Variants in ERAP1 observed in about 807,000 individuals in gnomAD.
ERAP1 encodes adipocyte-derived leucine aminopeptidase.
In ERAP1, 86 loss-of-function variants were observed where a neutral mutation model predicts 103.7. The ratio of observed to expected loss-of-function variants is 0.83; its 90% CI spans 0.70 to 0.99. The LOEUF (loss-of-function observed/expected upper bound fraction) is 0.99. Among genes scored for constraint, ERAP1 ranks in the 50% least tolerant of loss-of-function variants. The pLI is 0.00. For synonymous variants in ERAP1, 398 were observed against 402.4 expected (o/e 0.99, Z 0.13); for missense variants, 1,009 against 1,128.4 (o/e 0.89, Z 1.52).
At chr5:96,864,813 C>T in the ERAP1 span, among the ~76,000 whole-genome samples, 255 of 150,998 alleles carry the variant, frequency 1.7e-3, no homozygotes, top group Middle Eastern at 0.031. Flanking sequence ...GGGAACAATA[C>T]TTTTTTTTTC....
At chr5:96,881,218 T>A in the ERAP1 span, 2 of 354,024 alleles carry the variant, frequency 5.6e-6, no homozygotes, top group South Asian at 4.2e-5. Context: ...AAAGATCAAG[T>A]CTATGTTGAG....
At chr5:96,763,195 G>GAT in exon 20 of ERAP1, 1 of 780,668 alleles carries the variant, frequency 1.3e-6, no homozygotes, top group Non-Finnish European at 2.4e-6. Flanking sequence ...GATTCTGATG[G>GAT]ATTTTCATCC....
the ERAP1 span, chr5:96,901,599 G>A: frequency 2.2e-5 from 35 of 1,614,094 alleles, 1 homozygote; most frequent in Admixed American, 2.8e-4. Context: ...TAAACAAGAC[G>A]GGTGTTCACT....
At chr5:96,781,332 C>A in intron 16 of ERAP1, 134 bp from the exon 17 acceptor site, 1 of 871,246 alleles carries the variant, frequency 1.1e-6, no homozygotes, top group Non-Finnish European at 1.8e-6. Flanking sequence ...TGGGTAACCA[C>A]AATCCTGATA....
chr5:96,818,268 C>T, the ERAP1 span, among the ~76,000 whole-genome samples: 11 of 152,248 alleles, frequency 7.2e-5, no homozygotes, highest in East Asian at 1.7e-3. Context: ...AACACACCTC[C>T]CTTTCCTCCT....
At chr5:96,865,927 C>T in the ERAP1 span, among the ~76,000 whole-genome samples, 1 of 152,180 alleles carries the variant, frequency 6.6e-6, no homozygotes, top group South Asian at 2.1e-4. Flanking sequence ...AAAGACATTA[C>T]ACCCAGACTG....
chr5:96,877,439 T>C, the ERAP1 span, among the ~76,000 whole-genome samples: 1 of 152,226 alleles, frequency 6.6e-6, no homozygotes, highest in Non-Finnish European at 1.5e-5. Flanking sequence ...ACTCCTTCAT[T>C]TTGGCCATTG....
At chr5:96,904,947 T>C in the ERAP1 span, among the ~76,000 whole-genome samples, 3 of 152,192 alleles carry the variant, frequency 2.0e-5, no homozygotes, top group Non-Finnish European at 4.4e-5. Flanking sequence ...GTATTACCTC[T>C]TCACTTACTA....
chr5:96,917,414 C>A, the ERAP1 span: 2 of 1,564,330 alleles, frequency 1.3e-6, no homozygotes. Flanking sequence ...AACCACCACA[C>A]TCGGCCAAGA....
intron 8 of ERAP1, 37 bp downstream of exon 8, chr5:96,792,024 T>C (rs763148766): frequency 3.7e-6 from 6 of 1,610,932 alleles, no homozygotes; most frequent in Non-Finnish European, 5.1e-6. Context: ...ATAACTTTAG[T>C]ATCTAAACTG....
At chr5:96,779,315 G>A (rs1331281564) in intron 18 of ERAP1, 2 of 152,198 alleles carry the variant, frequency 1.3e-5, no homozygotes, top group Non-Finnish European at 2.9e-5. Flanking sequence ...ATGCTTTGTT[G>A]CTATAGATCT....
the ERAP1 span, among the ~76,000 whole-genome samples, chr5:96,927,243 G>C: frequency 2.0e-5 from 3 of 152,174 alleles, no homozygotes; most frequent in Non-Finnish European, 4.4e-5. Context: ...GTTTTTGAAA[G>C]CAGCTACACC....
At chr5:96,855,615 C>G in the ERAP1 span, among the ~76,000 whole-genome samples, 7 of 152,244 alleles carry the variant, frequency 4.6e-5, no homozygotes, top group South Asian at 4.1e-4. Flanking sequence ...GAACTTTGCT[C>G]CAAAGAAAAG....
chr5:96,816,524 C>A, the ERAP1 span, among the ~76,000 whole-genome samples: 1 of 152,174 alleles, frequency 6.6e-6, no homozygotes, highest in East Asian at 1.9e-4. Context: ...GGCACAGGTG[C>A]AACAAATCAA....
the ERAP1 span, among the ~76,000 whole-genome samples, chr5:96,897,044 C>T: frequency 5.9e-5 from 4 of 68,322 alleles, no homozygotes; most frequent in Non-Finnish European, 1.3e-4. Flanking sequence ...TAGGATGTCA[C>T]GCTGGGGTGG....
chr5:96,935,840 G>C, the ERAP1 span: 2 of 357,818 alleles, frequency 5.6e-6, no homozygotes, highest in Admixed American at 9.5e-5. Context: ...CGGGGAGAGC[G>C]CCGCAGCCGG....
At chr5:96,932,484 T>C in the ERAP1 span, among the ~76,000 whole-genome samples, 1 of 152,234 alleles carries the variant, frequency 6.6e-6, no homozygotes, top group Non-Finnish European at 1.5e-5. Flanking sequence ...CTCTATTCCA[T>C]ATTCTTTTCG....
the ERAP1 span, among the ~76,000 whole-genome samples, chr5:96,924,899 A>G: frequency 6.6e-6 from 1 of 152,134 alleles, no homozygotes; most frequent in South Asian, 2.1e-4. Context: ...TGCCTGGCCC[A>G]CATCATTTCA....
chr5:96,930,449 A>T, the ERAP1 span, among the ~76,000 whole-genome samples: 1 of 152,202 alleles, frequency 6.6e-6, no homozygotes, highest in South Asian at 2.1e-4. Flanking sequence ...CCTATAGCTT[A>T]TTGAATACAT....
Sources: allele counts gnomAD v4.1 joint callset (sites outside exome capture counted in the v4.1 genomes callset), GRCh38; gene constraint gnomAD v4.1.1; transcripts MANE v1.5; gene names NCBI Gene and HGNC (gene_info 2026-07-23, HGNC 2026-07-21).